FAM227B: variants seen among roughly 807,000 people sequenced by gnomAD.
FAM227B encodes protein FAM227B.
A neutral mutation model predicts 73.8 loss-of-function variants in FAM227B; 88 were observed. That is an observed-to-expected ratio of 1.19 (90% CI 1.00 to 1.42). The LOEUF (loss-of-function observed/expected upper bound fraction) is 1.42. Among genes scored for constraint, FAM227B ranks in the 40% most tolerant of loss-of-function variants. FAM227B has a pLI of 0.00. For missense variants in FAM227B, 632 were observed against 590.9 expected, an observed-to-expected ratio of 1.07 and a Z score of -0.72; for synonymous variants, 210 against 190.5, an observed-to-expected ratio of 1.10 and a Z score of -0.84.
chr15:49,489,182 T>C (rs1387178012), intron 11 of FAM227B: 1 of 861,070 alleles, frequency 1.2e-6, no homozygotes, highest in African/African-American at 1.8e-5. Flanking sequence ...AAAGCAGGGA[T>C]CACTGGAAGC....
chr15:49,588,749 T>G (rs903497457), intron 4 of FAM227B, among the ~76,000 whole-genome samples: 4 of 150,850 alleles, frequency 2.7e-5, no homozygotes, highest in Admixed American at 2.0e-4. Context: ...TATATATATG[T>G]GTGTGTATTT....
intron 10 of FAM227B, among the ~76,000 whole-genome samples, chr15:49,525,214 T>C (rs551698069): frequency 1.2e-4 from 18 of 152,252 alleles, no homozygotes; most frequent in Admixed American, 5.2e-4. Context: ...TGGGAGGTAA[T>C]TGAATCATGG....
At chr15:49,513,378 C>T (rs1052166611) in intron 10 of FAM227B, among the ~76,000 whole-genome samples, 5 of 152,120 alleles carry the variant, frequency 3.3e-5, no homozygotes, top group African/African-American at 1.2e-4. Context: ...TTTTTTGATA[C>T]ATTTGTTGGC....
At chr15:49,590,168 C>T (rs1473691382) in intron 3 of FAM227B, among the ~76,000 whole-genome samples, 161 bp from the exon 4 acceptor site, 1 of 152,138 alleles carries the variant, frequency 6.6e-6, no homozygotes, top group Non-Finnish European at 1.5e-5. Flanking sequence ...AGAAAAGTTA[C>T]AAGTCCTTTA....
intron 9 of FAM227B, among the ~76,000 whole-genome samples, chr15:49,542,964 A>G (rs2071296424): frequency 6.6e-6 from 1 of 152,036 alleles, no homozygotes; most frequent in African/African-American, 2.4e-5. Context: ...TGCTGCTATA[A>G]ACATGCGTGT....
chr15:49,527,955 A>G (rs977076694), intron 10 of FAM227B, among the ~76,000 whole-genome samples: 3 of 151,848 alleles, frequency 2.0e-5, no homozygotes, highest in Admixed American at 6.6e-5. Flanking sequence ...ATTCAATGCA[A>G]TTCCTATCAA....
intron 9 of FAM227B, among the ~76,000 whole-genome samples, chr15:49,556,280 T>A (rs1370613421): frequency 2.6e-5 from 4 of 152,138 alleles, no homozygotes; most frequent in Non-Finnish European, 5.9e-5. Flanking sequence ...AGGGGTTTAA[T>A]TGTTGTATAA....
At chr15:49,459,510 C>T (rs895665926) in intron 11 of FAM227B, among the ~76,000 whole-genome samples, 3 of 152,018 alleles carry the variant, frequency 2.0e-5, no homozygotes, top group Admixed American at 6.6e-5. Flanking sequence ...TGCATTTCAG[C>T]ATTGTGTTAA....
chr15:49,366,686 G>A (rs557390327), intron 13 of FAM227B: 16 of 1,495,822 alleles, frequency 1.1e-5, no homozygotes, highest in African/African-American at 8.2e-5. Flanking sequence ...CGGCCCCATC[G>A]GACTGGTGGG....
intron 11 of FAM227B, among the ~76,000 whole-genome samples, chr15:49,499,270 A>G (rs537806044): frequency 1.8e-4 from 27 of 152,072 alleles, no homozygotes; most frequent in African/African-American, 6.5e-4. Context: ...CCCAACAAAA[A>G]TGCAAAATAA....
At chr15:49,605,623 G>A (rs2077469136) in intron 3 of FAM227B, among the ~76,000 whole-genome samples, 1 of 152,086 alleles carries the variant, frequency 6.6e-6, no homozygotes, top group South Asian at 2.1e-4. Flanking sequence ...CTGGAGCCTG[G>A]GTCCATGGGC....
intron 1 of FAM227B, among the ~76,000 whole-genome samples, chr15:49,615,908 TG>T (rs2078259364): frequency 6.6e-6 from 1 of 152,204 alleles, no homozygotes; most frequent in Admixed American, 6.5e-5. Context: ...TCTTATAATG[TG>T]AAGATTTGGA....
At chr15:49,573,257 T>C (rs1316799913) in intron 8 of FAM227B, among the ~76,000 whole-genome samples, 1 of 152,198 alleles carries the variant, frequency 6.6e-6, no homozygotes, top group Non-Finnish European at 1.5e-5. Flanking sequence ...TATTATTTTA[T>C]AATATAATTC....
chr15:49,521,089 T>G (rs1340827500), intron 10 of FAM227B, among the ~76,000 whole-genome samples: 1 of 152,154 alleles, frequency 6.6e-6, no homozygotes, highest in Non-Finnish European at 1.5e-5. Flanking sequence ...CACGCTCCCC[T>G]CAAACCTGAA....
intron 11 of FAM227B, among the ~76,000 whole-genome samples, chr15:49,419,490 G>T (rs371317585): frequency 2.0e-5 from 3 of 152,088 alleles, no homozygotes; most frequent in African/African-American, 7.2e-5. Flanking sequence ...AAAAAAATGG[G>T]ATAAATGAAC....
At chr15:49,369,505 T>C (rs554160522) in intron 12 of FAM227B, among the ~76,000 whole-genome samples, 7 of 152,224 alleles carry the variant, frequency 4.6e-5, no homozygotes, top group Non-Finnish European at 8.8e-5. Flanking sequence ...AAGGATGAAA[T>C]AGAAAGTCCA....
At chr15:49,602,878 C>A (rs1057248150) in intron 3 of FAM227B, among the ~76,000 whole-genome samples, 2 of 152,118 alleles carry the variant, frequency 1.3e-5, no homozygotes, top group Non-Finnish European at 2.9e-5. Context: ...ATCCAGTTTT[C>A]CCAGCACCAT....
intron 11 of FAM227B, among the ~76,000 whole-genome samples, chr15:49,450,864 T>A (rs1280181785): frequency 6.6e-6 from 1 of 152,170 alleles, no homozygotes; most frequent in Non-Finnish European, 1.5e-5. Context: ...GCCCAGTTAT[T>A]CTTTTCCACA....
intron 11 of FAM227B, among the ~76,000 whole-genome samples, chr15:49,413,630 T>C (rs772572544): frequency 4.6e-5 from 7 of 152,018 alleles, no homozygotes; most frequent in Non-Finnish European, 8.8e-5. Flanking sequence ...CCAAACATTC[T>C]CCAAAAAGTT....
Sources: gnomAD v4.1 joint callset for allele counts (sites outside exome capture counted in the v4.1 genomes callset) on GRCh38, gnomAD v4.1.1 for gene constraint, MANE v1.5 for transcripts, NCBI Gene and HGNC (gene_info 2026-07-23, HGNC 2026-07-21) for gene names.